Variants in VPS54 observed in about 807,000 individuals in gnomAD.
The protein encoded by VPS54 is VPS54 subunit of GARP complex.
In VPS54, 45 loss-of-function variants were observed where a neutral mutation model predicts 121.5. That is an observed-to-expected ratio of 0.37 (90% CI 0.29 to 0.47). The LOEUF (loss-of-function observed/expected upper bound fraction) is 0.47. VPS54 is among the 20% of genes least tolerant of loss of function. The pLI is 0.99. For synonymous variants in VPS54, 371 were observed against 385.8 expected, an observed-to-expected ratio of 0.96 and a Z score of 0.45; for missense variants, 1,090 against 1,131.4, an observed-to-expected ratio of 0.96 and a Z score of 0.52.
At chr2:63,899,969 G>A (rs768104224) in intron 20 of VPS54, among the ~76,000 whole-genome samples, 2 of 152,144 alleles carry the variant, frequency 1.3e-5, no homozygotes, top group Non-Finnish European at 2.9e-5. Flanking sequence ...GACAGTGCTT[G>A]ATACAAAGTA....
At chr2:63,905,041 A>G (rs1037696013) in intron 20 of VPS54, among the ~76,000 whole-genome samples, 1 of 152,172 alleles carries the variant, frequency 6.6e-6, no homozygotes, top group Non-Finnish European at 1.5e-5. Context: ...TGCAGGACAC[A>G]GCAAAAGCAG....
intron 3 of VPS54, chr2:63,975,191 GCAAAATTATAACTGAGA>G (rs1286465660): frequency 1.7e-6 from 1 of 587,138 alleles, no homozygotes; most frequent in Non-Finnish European, 2.9e-6. Flanking sequence ...AATCCCCATT[GCAAAATTATAACTGAGA>G]CAGTGAAAGA....
intron 1 of VPS54, among the ~76,000 whole-genome samples, chr2:64,005,251 C>CA: frequency 1.3e-5 from 2 of 150,740 alleles, no homozygotes; most frequent in East Asian, 3.9e-4. Flanking sequence ...CTACAGGTGC[C>CA]CGCCACCGCG....
At chr2:63,998,525 T>C (rs1461814507) in intron 1 of VPS54, among the ~76,000 whole-genome samples, 1 of 152,150 alleles carries the variant, frequency 6.6e-6, no homozygotes, top group Admixed American at 6.5e-5. Flanking sequence ...TTTCTGGTGT[T>C]ATGACTTAAT....
rs184821206 is a variant in VPS54, at chr2:63,920,680, T to A, written c.1870-53A>T. 1.7e-3 allele frequency: 1,886 copies of A among 1,097,546 alleles called. 4 individuals carry two copies. The highest frequency in any genetic ancestry group is 1.8e-3 in the Non-Finnish European group (1,530 of 831,262). The allele number at this position is 1,097,546 out of a possible 1,614,324, so 68.0% of individuals were successfully genotyped here. The stretch of plus-strand genomic sequence containing the variant: ...GTTAGTGTAACACCAAATTGAGTTA[T>A]GAAACCAAGTTAGTTTAACGATTAT... On this transcript the variant is annotated intron_variant, in intron 13 of 22. Coordinates refer to ENST00000272322, the MANE Select transcript of VPS54 (RefSeq NM_016516.3).
At chr2:63,968,864 A>C (rs74771915) in intron 5 of VPS54, 93 bp downstream of exon 5, 1 of 193,374 alleles carries the variant, frequency 5.2e-6, no homozygotes, top group Non-Finnish European at 7.7e-6. Flanking sequence ...CCAAAGGGTC[A>C]AAAAAAAAAA....
rs567409936 is a variant in VPS54 at position 63,912,236 on chromosome 2, T to C, written c.2625+109A>G. 13 of 1,066,586 alleles carry C rather than the reference T, an allele frequency of 1.2e-5. No individual in the cohort carries two copies. The African/African-American group carries it at 1.3e-4, about 11-fold the overall frequency. The allele number at this position is 1,066,586 out of a possible 1,614,324, so 66.1% of individuals were successfully genotyped here. On this transcript the variant is annotated intron_variant, in intron 20 of 22. Coordinates refer to ENST00000272322, the MANE Select transcript of VPS54 (RefSeq NM_016516.3). ...AAATTCTACTAATTGGTAAATATCC[T>C]ATGAAAGTTTAGATTATCTTTTCAC...
chr2:63,915,724 A>G (rs1475625778), intron 16 of VPS54, among the ~76,000 whole-genome samples: 1 of 152,206 alleles, frequency 6.6e-6, no homozygotes, highest in Non-Finnish European at 1.5e-5. Context: ...TCCCTACCAG[A>G]AACAGGGAAG....
chr2:63,997,405 G>A (rs948316555), intron 1 of VPS54, among the ~76,000 whole-genome samples: 6 of 152,076 alleles, frequency 3.9e-5, no homozygotes, highest in African/African-American at 7.2e-5. Flanking sequence ...CACACCCTGG[G>A]TTTCTTCATG....
chr2:63,963,990 A>G (rs1675879579), intron 6 of VPS54, among the ~76,000 whole-genome samples: 1 of 152,190 alleles, frequency 6.6e-6, no homozygotes, highest in Non-Finnish European at 1.5e-5. Context: ...TAAGCAGTGC[A>G]GTGATTTGCA....
At chr2:63,987,111 C>T (rs62136425) in intron 1 of VPS54, among the ~76,000 whole-genome samples, 2,671 of 152,226 alleles carry the variant, frequency 0.018, 38 homozygotes, top group South Asian at 0.078. Flanking sequence ...GTTGCCTGTG[C>T]TTGTGGGGTA....
chr2:63,965,209 G>T (rs987021407), intron 6 of VPS54, among the ~76,000 whole-genome samples: 1 of 152,180 alleles, frequency 6.6e-6, no homozygotes. Flanking sequence ...GGGCATGGTG[G>T]CTCACATCCG....
intron 12 of VPS54, among the ~76,000 whole-genome samples, chr2:63,926,593 C>T (rs1246007100): frequency 6.6e-6 from 1 of 152,130 alleles, no homozygotes; most frequent in African/African-American, 2.4e-5. Flanking sequence ...GTGATCTCTG[C>T]ATTTCCAACT....
chr2:63,911,397 T>C lies in VPS54; in HGVS notation c.2625+948A>G, dbSNP rs138488071. On this transcript the variant is annotated intron_variant, in intron 20 of 22. Transcript: ENST00000272322. ...ATTACCAACTACACCAGAGGTGTAG[T>C]GTAGTCTGGGGATTCCCAGAAGTCA... Among the ~76,000 whole-genome samples the C allele has an allele frequency of 1.7e-4, 26 of 152,218 alleles. No individual in the cohort carries two copies. In the East Asian group the frequency reaches 4.8e-3, roughly 28 times the overall value.
chr2:63,933,858 T>C lies in VPS54; in HGVS notation c.1554A>G (p.Ile518Met), dbSNP rs1341570958. ...GCTCACCCTCACCGAATGCATCACT[T>C]ATAAACATGCCTTCATGGATTAAAT... ...VAYLIHEGMF[I>M]SDAFGEGELT... Residue 518 changes from isoleucine to methionine, a missense_variant, in exon 12 of 23, where the codon ATA (isoleucine) becomes ATG (methionine). Ile to Met is a conservative substitution (Grantham distance 10, BLOSUM62 1). This residue lies in a region of VPS54 where 801 missense variants were observed against 757.0 expected (regional missense o/e 1.06). Coordinates refer to ENST00000272322, the MANE Select transcript of VPS54 (RefSeq NM_016516.3). 1.2e-6 allele frequency: 2 copies of C among 1,613,878 alleles called. No individual in the cohort carries two copies. The highest frequency in any genetic ancestry group is 8.5e-7 in the Non-Finnish European group (1 of 1,179,866).
chr2:63,958,517 C>T (rs994477518), intron 7 of VPS54, among the ~76,000 whole-genome samples: 1 of 152,030 alleles, frequency 6.6e-6, no homozygotes, highest in Admixed American at 6.5e-5. Flanking sequence ...GCAATAGAAC[C>T]AGTCTGGGCA....
chr2:64,002,495 T>C (rs1272604726), intron 1 of VPS54, among the ~76,000 whole-genome samples: 1 of 152,218 alleles, frequency 6.6e-6, no homozygotes, highest in Non-Finnish European at 1.5e-5. Context: ...AATGTATTTA[T>C]GTTAAACATC....
intron 1 of VPS54, among the ~76,000 whole-genome samples, chr2:64,004,945 AT>A (rs1678054102): frequency 6.6e-6 from 1 of 151,458 alleles, no homozygotes; most frequent in Admixed American, 6.6e-5. Flanking sequence ...CACCTGGCTA[AT>A]TTTTGTATTT....
intron 3 of VPS54, 146 bp downstream of exon 3, chr2:63,981,500 T>C: frequency 2.6e-6 from 2 of 762,838 alleles, no homozygotes; most frequent in Non-Finnish European, 1.8e-6. Context: ...AAGAATTAAA[T>C]GCAACCCAGG....
Sources: allele counts gnomAD v4.1 joint callset (sites outside exome capture counted in the v4.1 genomes callset), GRCh38; gene constraint gnomAD v4.1.1; regional missense constraint gnomAD v4.1.1; transcripts MANE v1.5; gene names NCBI Gene and HGNC (gene_info 2026-07-23, HGNC 2026-07-21).